FAM120A: variants seen among roughly 807,000 people sequenced by gnomAD.
FAM120A encodes the protein family with sequence similarity 120 member A.
Under a neutral mutation model 109.7 loss-of-function variants are expected in FAM120A, and 15 were observed. The observed-to-expected ratio is 0.14, with a 90% CI of 0.09 to 0.21. The LOEUF (loss-of-function observed/expected upper bound fraction) is 0.21. FAM120A is among the 10% of genes least tolerant of loss of function. The pLI is 1.00. For missense variants in FAM120A, 899 were observed against 1,439.3 expected, an observed-to-expected ratio of 0.62 and a Z score of 6.07; for synonymous variants, 493 against 572.8, an observed-to-expected ratio of 0.86 and a Z score of 1.99.
intron 7 of FAM120A, among the ~76,000 whole-genome samples, chr9:93,525,695 C>T (rs1192932559): frequency 6.6e-6 from 1 of 152,150 alleles, no homozygotes; most frequent in Non-Finnish European, 1.5e-5. Context: ...CACAATGCGC[C>T]CTCAGTGGCT....
chr9:93,453,612 C>T, intron 1 of FAM120A: 1 of 985,376 alleles, frequency 1.0e-6, no homozygotes, highest in Non-Finnish European at 1.2e-6. Context: ...ACCCACGATC[C>T]GGTTGCAATT....
chr9:93,544,706 G>A (rs1167128809), intron 11 of FAM120A, among the ~76,000 whole-genome samples: 1 of 152,184 alleles, frequency 6.6e-6, no homozygotes, highest in African/African-American at 2.4e-5. Flanking sequence ...ACCCTTCAGA[G>A]CTGTTAGGCT....
intron 10 of FAM120A, among the ~76,000 whole-genome samples, chr9:93,536,033 C>A (rs1255858060): frequency 2.1e-5 from 3 of 142,132 alleles, no homozygotes; most frequent in Non-Finnish European, 4.8e-5. Context: ...AAGGAGAGTG[C>A]TATAGCTTCT....
intron 8 of FAM120A, among the ~76,000 whole-genome samples, chr9:93,527,875 A>C (rs938755099): frequency 6.6e-6 from 1 of 152,000 alleles, no homozygotes; most frequent in South Asian, 2.1e-4. Flanking sequence ...TGCCCTCCTC[A>C]GCCTCCCAAA....
At position 93,452,433 on chromosome 9, in the gene FAM120A, G is replaced by A; in HGVS notation, c.474+44G>A. ...GCGGGCCGGGGACCGGGGCCGCGCC[G>A]CACCCCTATCCCCCTTCCCAGGGCG... On this transcript the variant is annotated intron_variant, in intron 1 of 17. Transcript: ENST00000277165. The surrounding 1 kb of genome is among the most constrained non-coding windows in gnomAD (Gnocchi z 7.0). The A allele has an allele frequency of 1.3e-6, 2 of 1,567,768 alleles. No homozygotes were observed. Among genetic ancestry groups the A allele is most frequent in the Non-Finnish European group, 1.7e-6 (2 of 1,158,786 alleles).
At chr9:93,548,364 C>T (rs1428451941) in intron 11 of FAM120A, among the ~76,000 whole-genome samples, 1 of 152,078 alleles carries the variant, frequency 6.6e-6, no homozygotes, top group Non-Finnish European at 1.5e-5. Context: ...CCTGCCTCAG[C>T]CTCCCAAAGT....
At chr9:93,530,567 ATGTAGCCAGTACTAT>A (rs1439212512) in intron 9 of FAM120A, 9 of 152,234 alleles carry the variant, frequency 5.9e-5, no homozygotes, top group Non-Finnish European at 1.2e-4. Context: ...CATGGAAAAC[ATGTAGCCAGTACTAT>A]TTGCTCAGAT....
chr9:93,471,054 T>G, intron 1 of FAM120A, 87 bp from the exon 2 acceptor site: 2 of 1,476,948 alleles, frequency 1.4e-6, no homozygotes, highest in Non-Finnish European at 1.8e-6. Flanking sequence ...ATGTGATTTT[T>G]CAGCTTCTGT....
chr9:93,556,606 C>G lies in FAM120A; in HGVS notation c.2484+15C>G. Reference sequence around the variant, plus strand: ...GTGATGGTCAGGTATGCTGCGGGGCCGGGTGGCTGCCTTTAACTGCAATGA... The same window carrying G: ...GTGATGGTCAGGTATGCTGCGGGGCGGGGTGGCTGCCTTTAACTGCAATGA... On this transcript the variant is annotated intron_variant, in intron 13 of 17. Coordinates refer to ENST00000277165, the MANE Select transcript of FAM120A (RefSeq NM_014612.5). The G allele has an allele frequency of 6.2e-7, 1 of 1,612,224 alleles. No homozygotes were observed. The highest frequency in any genetic ancestry group is 8.5e-7 in the Non-Finnish European group (1 of 1,178,288).
At chr9:93,497,879 T>A (rs1010225342) in intron 4 of FAM120A, among the ~76,000 whole-genome samples, 2 of 152,266 alleles carry the variant, frequency 1.3e-5, no homozygotes, top group Non-Finnish European at 2.9e-5. Context: ...TGAGGTCTCC[T>A]GCTCATAAGT....
In FAM120A at chr9:93,500,140, C is replaced by T. The variant is rs1475782340; in HGVS notation, c.1030+1254C>T. Among the ~76,000 whole-genome samples the T allele has an allele frequency of 3.3e-5, 5 of 152,262 alleles. No homozygotes were observed. The highest frequency in any genetic ancestry group is 6.5e-5 in the Admixed American group (1 of 15,288). ...TGCTGCTCTCTTGCTCCCCTGCAAT[C>T]CATTTTCTTCCCAGCAGCCAAAGTA... On this transcript the variant is annotated intron_variant, in intron 5 of 17. Transcript: ENST00000277165. This position sits in a 1 kb window ranked among gnomAD's most constrained non-coding sequence, Gnocchi z 4.6.
intron 3 of FAM120A, among the ~76,000 whole-genome samples, chr9:93,494,318 C>T (rs978072885): frequency 2.0e-5 from 3 of 152,188 alleles, no homozygotes; most frequent in Non-Finnish European, 2.9e-5. Context: ...CCTAAGTCAC[C>T]GTCACCATCC....
At chr9:93,526,259 G>C (rs2131452876) in intron 7 of FAM120A, among the ~76,000 whole-genome samples, 1 of 152,322 alleles carries the variant, frequency 6.6e-6, no homozygotes, top group South Asian at 2.1e-4. Context: ...CACATCCTCT[G>C]CTACCTGTAG....
chr9:93,544,736 T>G (rs186166722), intron 11 of FAM120A, among the ~76,000 whole-genome samples: 4 of 152,326 alleles, frequency 2.6e-5, no homozygotes, highest in East Asian at 1.9e-4. Flanking sequence ...AACAGTGTCC[T>G]TTATGACAAG....
chr9:93,467,762 G>A (rs1156335530), intron 1 of FAM120A, among the ~76,000 whole-genome samples: 2 of 152,172 alleles, frequency 1.3e-5, no homozygotes, highest in Non-Finnish European at 2.9e-5. Context: ...ATTATTGTTT[G>A]CTTTTTAATG....
chr9:93,559,325 G>A (rs894199501), intron 15 of FAM120A, among the ~76,000 whole-genome samples: 5 of 152,188 alleles, frequency 3.3e-5, no homozygotes, highest in African/African-American at 1.2e-4. Flanking sequence ...CTGTATCTTT[G>A]TCCTAATCCC....
chr9:93,468,878 C>T (rs996038905), intron 1 of FAM120A, among the ~76,000 whole-genome samples: 1 of 152,206 alleles, frequency 6.6e-6, no homozygotes, highest in Non-Finnish European at 1.5e-5. Flanking sequence ...ATATTGCCTG[C>T]TGTTTTACAA....
chr9:93,556,803 T>C (rs1431429085), intron 13 of FAM120A, among the ~76,000 whole-genome samples: 2 of 152,218 alleles, frequency 1.3e-5, no homozygotes, highest in Non-Finnish European at 2.9e-5. Context: ...GTGGTAGTAA[T>C]GTTCTAAAAT....
rs138270645 is a variant in FAM120A at position 93,540,837 on chromosome 9, A to G, written c.1910-2385A>G. Among the ~76,000 whole-genome samples the G allele has an allele frequency of 2.7e-3, 417 of 152,308 alleles. 3 individuals are homozygous for G. Among genetic ancestry groups the G allele is most frequent in the African/African-American group, 9.4e-3 (390 of 41,560 alleles). On this transcript the variant is annotated intron_variant, in intron 10 of 17. Coordinates refer to ENST00000277165, the MANE Select transcript of FAM120A (RefSeq NM_014612.5). ...AAAGGTTTTGAAATTGAGAAGGAAA[A>G]TCTTCTACCAATAATTTTTTTTTAT...
Sources: allele counts gnomAD v4.1 joint callset (sites outside exome capture counted in the v4.1 genomes callset), GRCh38; gene constraint gnomAD v4.1.1; non-coding constraint Gnocchi (gnomAD v3.1); transcripts MANE v1.5; gene names NCBI Gene and HGNC (gene_info 2026-07-23, HGNC 2026-07-21).